Variants in BCAR3 observed in about 807,000 individuals in gnomAD.
The protein encoded by BCAR3 is breast cancer anti-estrogen resistance protein 3.
Under a neutral mutation model 80.1 loss-of-function variants are expected in BCAR3, and 37 were observed. The ratio of observed to expected loss-of-function variants is 0.46; its 90% CI spans 0.36 to 0.61. BCAR3 has a LOEUF of 0.61. Ranked by LOEUF, BCAR3 falls within the 20% of genes least tolerant of loss-of-function variation. BCAR3 has a pLI of 0.00. For missense variants in BCAR3, 978 were observed against 1,068.2 expected (o/e 0.92, Z 1.18); for synonymous variants, 389 against 418.9 (o/e 0.93, Z 0.87).
chr1:93,566,388 T>A (rs1294014597), intron 11 of BCAR3, among the ~76,000 whole-genome samples: 1 of 152,164 alleles, frequency 6.6e-6, no homozygotes, highest in African/African-American at 2.4e-5. Context: ...TTCCCCTAAG[T>A]GCTCCCACAG....
intron 8 of BCAR3, among the ~76,000 whole-genome samples, chr1:93,573,609 TTTATTATTA>T (rs368870879): frequency 2.8e-5 from 4 of 142,798 alleles, no homozygotes; most frequent in African/African-American, 5.4e-5. Flanking sequence ...AAAATATATT[TTTATTATTA>T]TTATTATTAT....
At chr1:93,788,445 T>C (rs1460921632) in intron 2 of BCAR3, among the ~76,000 whole-genome samples, 1 of 152,198 alleles carries the variant, frequency 6.6e-6, no homozygotes, top group East Asian at 1.9e-4. Context: ...TTTGGTGTAT[T>C]GTGAGGTTTT....
chr1:93,584,650 C>G (rs1488636253), intron 5 of BCAR3, among the ~76,000 whole-genome samples: 1 of 152,212 alleles, frequency 6.6e-6, no homozygotes, highest in East Asian at 1.9e-4. Context: ...CATCCCCAAC[C>G]TCCTGGCTGC....
chr1:93,816,543 C>T (rs1036882594), intron 2 of BCAR3, among the ~76,000 whole-genome samples: 1 of 151,216 alleles, frequency 6.6e-6, no homozygotes, highest in Non-Finnish European at 1.5e-5. Context: ...TGGTGGTGGG[C>T]GCCTGTAATC....
chr1:93,619,728 C>T (rs1294772846), intron 3 of BCAR3, among the ~76,000 whole-genome samples: 1 of 152,252 alleles, frequency 6.6e-6, no homozygotes, highest in Non-Finnish European at 1.5e-5. Context: ...AGCTGCCTCT[C>T]TCCCACCTCC....
At chr1:93,841,438 G>A (rs1418196485) in intron 2 of BCAR3, among the ~76,000 whole-genome samples, 1 of 152,148 alleles carries the variant, frequency 6.6e-6, no homozygotes, top group Non-Finnish European at 1.5e-5. Flanking sequence ...CCCAAGTAAG[G>A]CTCAGCCTTT....
At chr1:93,642,954 G>A (rs1479924109) in intron 2 of BCAR3, among the ~76,000 whole-genome samples, 2 of 152,234 alleles carry the variant, frequency 1.3e-5, no homozygotes, top group East Asian at 3.8e-4. Flanking sequence ...TGGGCCAGGT[G>A]TGGTGGCTCA....
At position 93,674,774 on chromosome 1, in the gene BCAR3, G is replaced by C; in HGVS notation, c.157C>G (p.Arg53Gly). The C allele has an allele frequency of 6.2e-7, 1 of 1,612,574 alleles. No homozygotes were observed. The highest frequency in any genetic ancestry group is 8.5e-7 in the Non-Finnish European group (1 of 1,179,614). The change falls in exon 2 of 12, where the codon CGG (arginine) becomes GGG (glycine). Residue 53 changes from arginine (R) to glycine (G), a missense_variant. Transcript: ENST00000260502. ...QDVSIHGTLPRKKKGPPPIRS... is the reference protein window; with the variant it reads ...QDVSIHGTLPGKKKGPPPIRS... ...ATGGGAGGAGGACCTTTTTTCTTCC[G>C]TGGAAGGGTGCCATGTATAGACACA...
At chr1:93,705,232 C>T (rs541674435) in intron 3 of BCAR3, among the ~76,000 whole-genome samples, 4 of 152,222 alleles carry the variant, frequency 2.6e-5, no homozygotes, top group East Asian at 3.9e-4. Context: ...ATCTCCATCT[C>T]GTGCATTTAG....
chr1:93,624,118 C>T (rs1675390259), intron 3 of BCAR3, among the ~76,000 whole-genome samples: 1 of 152,162 alleles, frequency 6.6e-6, no homozygotes, highest in African/African-American at 2.4e-5. Flanking sequence ...TGCTCCCACA[C>T]CCAGCACCTC....
At chr1:93,618,553 C>T (rs2101887108) in intron 3 of BCAR3, among the ~76,000 whole-genome samples, 1 of 152,342 alleles carries the variant, frequency 6.6e-6, no homozygotes, top group South Asian at 2.1e-4. Context: ...AGGCACTGTG[C>T]CCTGTTTTGC....
chr1:93,662,979 G>A (rs1424412138), intron 2 of BCAR3, among the ~76,000 whole-genome samples: 1 of 152,034 alleles, frequency 6.6e-6, no homozygotes, highest in Admixed American at 6.5e-5. Context: ...AACATCACAT[G>A]ATTTGATGAT....
chr1:93,602,600 G>C (rs1016739619), intron 3 of BCAR3, among the ~76,000 whole-genome samples: 1 of 152,218 alleles, frequency 6.6e-6, no homozygotes, highest in African/African-American at 2.4e-5. Flanking sequence ...GGAGAATTCA[G>C]AAACTCAGCC....
chr1:93,655,065 G>C (rs1159103773), intron 2 of BCAR3, among the ~76,000 whole-genome samples: 1 of 152,166 alleles, frequency 6.6e-6, no homozygotes, highest in Admixed American at 6.5e-5. Flanking sequence ...TTGAGTAAGA[G>C]AACAATAAAC....
intron 3 of BCAR3, among the ~76,000 whole-genome samples, chr1:93,697,939 T>C (rs879814297): frequency 6.6e-6 from 1 of 152,076 alleles, no homozygotes; most frequent in Non-Finnish European, 1.5e-5. Context: ...GATCGTGCCA[T>C]TGCACTCCAG....
intron 3 of BCAR3, chr1:93,613,814 G>A: frequency 6.5e-7 from 1 of 1,547,770 alleles, no homozygotes; most frequent in Non-Finnish European, 8.7e-7. Context: ...CCAAAAGATT[G>A]ACAGATGTAC....
chr1:93,654,552 A>G (rs1163122386), intron 2 of BCAR3, among the ~76,000 whole-genome samples: 1 of 152,188 alleles, frequency 6.6e-6, no homozygotes, highest in African/African-American at 2.4e-5. Flanking sequence ...CAGACTTCTG[A>G]CCTACAGAAA....
chr1:93,562,473 A>AAAAT (rs1310506380), intron 11 of BCAR3, 54 bp from the exon 12 acceptor site: 1 of 1,564,572 alleles, frequency 6.4e-7, no homozygotes, highest in South Asian at 1.1e-5. Flanking sequence ...AGATGTGTTA[A>AAAAT]AAATAGACTG....
intron 9 of BCAR3, among the ~76,000 whole-genome samples, chr1:93,570,367 C>G (rs972030431): frequency 6.6e-6 from 1 of 152,138 alleles, no homozygotes; most frequent in African/African-American, 2.4e-5. Context: ...TTTGGTGTTA[C>G]TAGAAAGTTT....
Sources: gnomAD v4.1 joint callset for allele counts (sites outside exome capture counted in the v4.1 genomes callset) on GRCh38, gnomAD v4.1.1 for gene constraint, MANE v1.5 for transcripts, NCBI Gene and HGNC (gene_info 2026-07-23, HGNC 2026-07-21) for gene names.